The following USP37 variants were observed in gnomAD, a reference collection of about 807,000 sequenced individuals.
USP37 encodes ubiquitin specific peptidase 37, also known as ubiquitin carboxyl-terminal hydrolase 37.
Under a neutral mutation model 124.0 loss-of-function variants are expected in USP37, and 27 were observed. That is an observed-to-expected ratio of 0.22 (90% confidence interval 0.16 to 0.30). USP37 has a LOEUF of 0.30. USP37 is among the 10% of genes least tolerant of loss of function. USP37 has a pLI of 1.00. For missense variants in USP37, 889 were observed against 1,140.4 expected, an observed-to-expected ratio of 0.78 and a Z score of 3.17; for synonymous variants, 365 against 388.0, an observed-to-expected ratio of 0.94 and a Z score of 0.70.
chr2:218,554,779 T>C (rs567451281), intron 4 of USP37, among the ~76,000 whole-genome samples: 4 of 152,138 alleles, frequency 2.6e-5, no homozygotes, highest in African/African-American at 4.8e-5. Context: ...GTAGAATCTT[T>C]GTCTTTTGTT....
At chr2:218,460,493 TAG>T (rs1689958246) in intron 22 of USP37, among the ~76,000 whole-genome samples, 1 of 152,156 alleles carries the variant, frequency 6.6e-6, no homozygotes, top group Non-Finnish European at 1.5e-5. Context: ...GATATAAAAC[TAG>T]AAAATAATTT....
intron 3 of USP37, 35 bp from the exon 4 acceptor site, chr2:218,558,712 C>A: frequency 4.0e-6 from 6 of 1,483,536 alleles, no homozygotes; most frequent in South Asian, 1.3e-5. Context: ...CTTTACCTGG[C>A]AGGTTCTAAG....
chr2:218,479,820 C>A, intron 17 of USP37, 105 bp from the exon 18 acceptor site: 1 of 646,474 alleles, frequency 1.5e-6, no homozygotes, highest in South Asian at 4.6e-5. Flanking sequence ...TTTATGTCCT[C>A]TTGAAAATTG....
rs1362357046 is a variant in USP37 at position 218,491,178 on chromosome 2, T to A, written c.1473-2757A>T. Among the ~76,000 whole-genome samples, 6 of 152,190 alleles carry A rather than the reference T, an allele frequency of 3.9e-5. 1 individual carries two copies. The highest frequency in any genetic ancestry group is 3.9e-4 in the Admixed American group (6 of 15,270). On this transcript the variant is annotated intron_variant, in intron 14 of 25. Transcript: ENST00000258399. The stretch of plus-strand genomic sequence containing the variant: ...CATGAGCCACCATGCTCTGCCCATA[T>A]GAGCCCTTTAAATCTGGGTCTAGAG...
At chr2:218,467,896 T>G (rs944795817) in intron 20 of USP37, among the ~76,000 whole-genome samples, 4 of 151,950 alleles carry the variant, frequency 2.6e-5, no homozygotes, top group Middle Eastern at 3.4e-3. Flanking sequence ...TTTTTGTTTT[T>G]TTTTTTTTTA....
chr2:218,568,007 T>G (rs888203740), intron 1 of USP37, among the ~76,000 whole-genome samples, 171 bp downstream of exon 1: 8 of 152,110 alleles, frequency 5.3e-5, no homozygotes, highest in Admixed American at 1.3e-4. Context: ...GCCGGGGCAG[T>G]GCACCCAAAG....
chr2:218,510,185 A>G, intron 10 of USP37, 45 bp from the exon 11 acceptor site: 1 of 1,579,802 alleles, frequency 6.3e-7, no homozygotes, highest in South Asian at 1.2e-5. Context: ...AAATTTTTGA[A>G]TACTACTATT....
intron 10 of USP37, among the ~76,000 whole-genome samples, chr2:218,515,761 A>C (rs1443330045): frequency 6.6e-6 from 1 of 152,208 alleles, no homozygotes; most frequent in Non-Finnish European, 1.5e-5. Flanking sequence ...TGAACAGGTA[A>C]CTTACAGAAC....
At chr2:218,541,568 T>G (rs1003898564) in intron 8 of USP37, among the ~76,000 whole-genome samples, 1 of 151,792 alleles carries the variant, frequency 6.6e-6, no homozygotes, top group African/African-American at 2.4e-5. Context: ...AGTCAAACTA[T>G]CAAGATGAGC....
At chr2:218,484,888 CATA>C (rs1691472216) in intron 16 of USP37, among the ~76,000 whole-genome samples, 1 of 152,178 alleles carries the variant, frequency 6.6e-6, no homozygotes, top group Non-Finnish European at 1.5e-5. Context: ...CCTGTAACCA[CATA>C]ATAATTTTTT....
intron 11 of USP37, among the ~76,000 whole-genome samples, chr2:218,500,042 T>TACAGGCGTGAGCC (rs1429869865): frequency 6.6e-6 from 1 of 152,160 alleles, no homozygotes; most frequent in Non-Finnish European, 1.5e-5. Flanking sequence ...GTGTTGGGAT[T>TACAGGCGTGAGCC]ACAGGCGTGA....
chr2:218,537,235 T>C (rs1691704279), intron 8 of USP37, among the ~76,000 whole-genome samples: 1 of 152,250 alleles, frequency 6.6e-6, no homozygotes, highest in African/African-American at 2.4e-5. Flanking sequence ...GGGCTAGTCC[T>C]GTGATTTCCT....
chr2:218,467,025 C>T (rs1429920328), intron 20 of USP37, among the ~76,000 whole-genome samples: 1 of 152,068 alleles, frequency 6.6e-6, no homozygotes, highest in Non-Finnish European at 1.5e-5. Flanking sequence ...GCCACTGTGC[C>T]TCGCCGATTT....
Position 218,488,344 on chromosome 2 carries a change from G to A in USP37, c.1550C>T (p.Pro517Leu). The change falls in exon 15 of 26, where the codon CCT becomes CTT. Residue 517 changes from proline to leucine, a missense_variant. Pro to Leu is a moderately conservative substitution (Grantham distance 98, BLOSUM62 -3). This residue lies in a region of USP37 where 504 missense variants were observed against 714.3 expected (regional missense o/e 0.71). Transcript: ENST00000258399. Reference sequence around the variant, plus strand: ...AAGAGAATCTTGAATTGAACGAGGAGGGAGTGGTTTTTTCCTACGAGGAAG... The same window carrying A: ...AAGAGAATCTTGAATTGAACGAGGAAGGAGTGGTTTTTTCCTACGAGGAAG... ...IDLPRRKKPL[P>L]PRSIQDSLDL... 1 of 1,612,684 alleles carries A rather than the reference G, an allele frequency of 6.2e-7. No individual in the cohort carries two copies. Among genetic ancestry groups the A allele is most frequent in the Non-Finnish European group, 8.5e-7 (1 of 1,179,308 alleles).
intron 11 of USP37, among the ~76,000 whole-genome samples, chr2:218,503,006 T>C (rs1362130138): frequency 6.6e-6 from 1 of 152,184 alleles, no homozygotes; most frequent in Non-Finnish European, 1.5e-5. Context: ...ATCTTTAAAA[T>C]ACTGAAAGAA....
At chr2:218,524,360 A>C (rs1374356602) in intron 10 of USP37, among the ~76,000 whole-genome samples, 3 of 152,134 alleles carry the variant, frequency 2.0e-5, no homozygotes, top group African/African-American at 4.8e-5. Context: ...TAGTCCTCCC[A>C]AAGTGCTGAG....
intron 10 of USP37, among the ~76,000 whole-genome samples, chr2:218,518,781 A>G (rs1360027350): frequency 6.6e-6 from 1 of 152,158 alleles, no homozygotes; most frequent in Non-Finnish European, 1.5e-5. Context: ...GTGCTACTAA[A>G]AACAAAGGTG....
intron 6 of USP37, 118 bp from the exon 7 acceptor site, chr2:218,547,209 T>G: frequency 9.2e-7 from 1 of 1,084,746 alleles, no homozygotes; most frequent in Non-Finnish European, 1.3e-6. Context: ...CGATGGCTCA[T>G]GCCTGTAATC....
At chr2:218,516,807 G>A (rs1423704936) in intron 10 of USP37, among the ~76,000 whole-genome samples, 2 of 152,158 alleles carry the variant, frequency 1.3e-5, no homozygotes, top group African/African-American at 4.8e-5. Flanking sequence ...GCTAGGAAAT[G>A]TATGTACGTG....
Sources: gnomAD v4.1 joint callset for allele counts (sites outside exome capture counted in the v4.1 genomes callset) on GRCh38, gnomAD v4.1.1 for gene constraint, gnomAD v4.1.1 regional missense constraint, MANE v1.5 for transcripts, NCBI Gene and HGNC (gene_info 2026-07-23, HGNC 2026-07-21) for gene names.